The following NECTIN2 variants were observed in gnomAD, a reference collection of about 807,000 sequenced individuals.
NECTIN2 encodes the protein nectin-2.
Under a neutral mutation model 56.9 loss-of-function variants are expected in NECTIN2, and 23 were observed. The ratio of observed to expected loss-of-function variants is 0.40; its 90% confidence interval spans 0.29 to 0.57. The LOEUF (loss-of-function observed/expected upper bound fraction) is 0.57, where lower values mean the gene tolerates loss of function less well. NECTIN2 is among the 20% of genes least tolerant of loss of function. NECTIN2 has a pLI of 0.38. For synonymous variants in NECTIN2, 302 were observed against 313.8 expected (o/e 0.96, Z 0.40); for missense variants, 587 against 718.3 (o/e 0.82, Z 2.09).
At chr19:44,872,657 G>A (rs1969189481) in intron 3 of NECTIN2, among the ~76,000 whole-genome samples, 1 of 151,828 alleles carries the variant, frequency 6.6e-6, no homozygotes, top group African/African-American at 2.4e-5. Context: ...ATGTCTACAT[G>A]TCTACACTGC....
chr19:44,878,735 A>G (rs1969273828), intron 5 of NECTIN2: 1 of 1,475,252 alleles, frequency 6.8e-7, no homozygotes, highest in East Asian at 2.4e-5. Context: ...CTGGAGTGGA[A>G]CACTGCCTCC....
chr19:44,879,096 C>T (rs368588062), intron 5 of NECTIN2, among the ~76,000 whole-genome samples: 142 of 152,136 alleles, frequency 9.3e-4, no homozygotes, highest in African/African-American at 3.3e-3. Flanking sequence ...CTGTGGGGCT[C>T]GGACCACTTG....
chr19:44,879,103 C>G (rs945933048), intron 5 of NECTIN2, among the ~76,000 whole-genome samples: 1 of 152,086 alleles, frequency 6.6e-6, no homozygotes, highest in Non-Finnish European at 1.5e-5. Context: ...GCTCGGACCA[C>G]TTGGATCCTT....
At chr19:44,883,426 C>G (rs947550484) in intron 6 of NECTIN2, among the ~76,000 whole-genome samples, 6 of 152,134 alleles carry the variant, frequency 3.9e-5, no homozygotes, top group African/African-American at 7.2e-5. Flanking sequence ...AGATGCGCGC[C>G]ACCACGCCCG....
chr19:44,882,266 C>G lies in NECTIN2; in HGVS notation c.1098C>G (p.Ile366Met), dbSNP rs773570140. ...GATGGIIGGI[I>M]AAIIATAVAA... is the part of the protein sequence containing the mutation. ...CAGGCGGCATCATCGGGGGCATCATCGCCGCCATCATTGCTACTGCTGTGG... is the reference window on the plus strand; with the variant it reads ...CAGGCGGCATCATCGGGGGCATCATGGCCGCCATCATTGCTACTGCTGTGG... Residue 366 changes from isoleucine to methionine, a missense_variant, in exon 6 of 9, where the codon ATC (isoleucine) becomes ATG (methionine). Coordinates refer to ENST00000252483, the MANE Select transcript of NECTIN2 (RefSeq NM_001042724.2). 1 of 1,558,724 alleles carries G rather than the reference C, an allele frequency of 6.4e-7. No individual in the cohort carries two copies. The highest frequency in any genetic ancestry group is 1.2e-5 in the South Asian group (1 of 84,666).
intron 5 of NECTIN2, chr19:44,878,653 G>GCCCCCCCCC: frequency 6.4e-7 from 1 of 1,555,706 alleles, no homozygotes; most frequent in Non-Finnish European, 8.7e-7. Context: ...GCCAGGCCCG[G>GCCCCCCCCC]CCCTCCCGCC....
chr19:44,882,954 T>G (rs1212795514), intron 6 of NECTIN2, among the ~76,000 whole-genome samples: 1 of 151,370 alleles, frequency 6.6e-6, no homozygotes, highest in East Asian at 2.0e-4. Context: ...GCTAATTTTT[T>G]GGATTTTTAG....
At chr19:44,852,805 C>A (rs1219267019) in intron 1 of NECTIN2, among the ~76,000 whole-genome samples, 6 of 151,986 alleles carry the variant, frequency 3.9e-5, no homozygotes, top group Non-Finnish European at 7.4e-5. Context: ...GGTGAAAATG[C>A]CTTAAAAATG....
In NECTIN2 at chr19:44,871,890, G is replaced by A. The variant is rs145915904; in HGVS notation, c.516G>A (p.Thr172=). 640 of 1,614,040 alleles carry A rather than the reference G, an allele frequency of 4.0e-4. No individual in the cohort carries two copies. In the African/African-American group the frequency reaches 6.9e-3, roughly 17 times the overall value. Residue 172 remains threonine, a synonymous_variant, in exon 3 of 9, where the codon ACG becomes ACA. Coordinates refer to ENST00000252483, the MANE Select transcript of NECTIN2 (RefSeq NM_001042724.2). Reference sequence around the variant, plus strand: ...ACCAAGCTGAGGCCCAGAAGGTCACGTTCAGCCAGGACCCTACGACAGTGG... The same window carrying A: ...ACCAAGCTGAGGCCCAGAAGGTCACATTCAGCCAGGACCCTACGACAGTGG... ...PKNQAEAQKV[T]FSQDPTTVAL...
intron 6 of NECTIN2, among the ~76,000 whole-genome samples, chr19:44,883,003 T>C (rs907395584): frequency 6.6e-6 from 1 of 152,014 alleles, no homozygotes; most frequent in Non-Finnish European, 1.5e-5. Context: ...GGATGGTCTC[T>C]ATCTCCTGAC....
At chr19:44,863,475 A>T (rs1969057470) in intron 1 of NECTIN2, among the ~76,000 whole-genome samples, 1 of 152,220 alleles carries the variant, frequency 6.6e-6, no homozygotes, top group African/African-American at 2.4e-5. Flanking sequence ...TTTGCTATTC[A>T]GGTGATAGAT....
intron 1 of NECTIN2, among the ~76,000 whole-genome samples, chr19:44,852,380 G>A (rs898955029): frequency 2.0e-5 from 3 of 151,674 alleles, no homozygotes; most frequent in Admixed American, 2.0e-4. Flanking sequence ...CTGAGCTCAG[G>A]TGAGCCACTG....
rs143254941 is a variant in NECTIN2, at chr19:44,880,305, G to A, written c.1043-1906G>A. Among the ~76,000 whole-genome samples, 1,369 of 151,990 alleles carry A rather than the reference G, an allele frequency of 9.0e-3. 13 individuals are homozygous for A. Among genetic ancestry groups the A allele is most frequent in the Middle Eastern group, 0.014 (4 of 294 alleles). ...ACCCAGCAAACACCTACTGTGTGCC[G>A]AACCTCAGGCACACAGTCTAGTATG... On this transcript the variant is annotated intron_variant, in intron 5 of 8. Transcript: ENST00000252483.
Position 44,872,065 on chromosome 19 carries a change from G to A in NECTIN2, c.691G>A (p.Ala231Thr), listed in dbSNP as rs1969181190. The change falls in exon 3 of 9, where the codon GCA becomes ACA. Residue 231 changes from alanine (A) to threonine (T), a missense_variant. Physicochemically the swap from Ala to Thr is moderately conservative, Grantham distance 58 (BLOSUM62 0). Coordinates refer to ENST00000252483, the MANE Select transcript of NECTIN2 (RefSeq NM_001042724.2). ...SRFTLVPSGR[A>T]DGVTVTCKVE... is the part of the protein sequence containing the mutation. ...CTTCACCTTGGTGCCCTCGGGCCGAGCAGATGGTGTCACGGTCACCTGCAA... is the reference window on the plus strand; with the variant it reads ...CTTCACCTTGGTGCCCTCGGGCCGAACAGATGGTGTCACGGTCACCTGCAA... 1 of 1,614,184 alleles carries A rather than the reference G, an allele frequency of 6.2e-7. No individual in the cohort carries two copies. Among genetic ancestry groups the A allele is most frequent in the Non-Finnish European group, 8.5e-7 (1 of 1,180,038 alleles).
intron 2 of NECTIN2, 139 bp from the exon 3 acceptor site, chr19:44,871,714 C>T (rs1969175943): frequency 3.1e-6 from 3 of 982,202 alleles, no homozygotes; most frequent in Non-Finnish European, 4.4e-6. Context: ...ACCACTTATC[C>T]CAAGCCAGGC....
chr19:44,861,992 G>A (rs1165352172), intron 1 of NECTIN2, among the ~76,000 whole-genome samples: 2 of 152,152 alleles, frequency 1.3e-5, no homozygotes, highest in South Asian at 4.2e-4. Flanking sequence ...TCCCATTACT[G>A]GTATATACCC....
intron 3 of NECTIN2, among the ~76,000 whole-genome samples, chr19:44,873,538 C>T (rs188003019): frequency 5.3e-5 from 8 of 152,176 alleles, no homozygotes; most frequent in African/African-American, 1.2e-4. Context: ...GAGGCTGAGG[C>T]GGAGGGATGG....
intron 2 of NECTIN2, 147 bp from the exon 3 acceptor site, chr19:44,871,706 C>A: frequency 1.1e-6 from 1 of 872,708 alleles, no homozygotes; most frequent in Non-Finnish European, 1.7e-6. Flanking sequence ...GTTGCAAAAC[C>A]ACTTATCCCA....
intron 1 of NECTIN2, among the ~76,000 whole-genome samples, chr19:44,860,002 T>C (rs1159386004): frequency 1.3e-5 from 2 of 152,114 alleles, no homozygotes; most frequent in African/African-American, 4.8e-5. Flanking sequence ...GGTCCGTCCA[T>C]GTAGTGGAAT....
Sources: gnomAD v4.1 joint callset for allele counts (sites outside exome capture counted in the v4.1 genomes callset) on GRCh38, gnomAD v4.1.1 for gene constraint, MANE v1.5 for transcripts, NCBI Gene and HGNC (gene_info 2026-07-23, HGNC 2026-07-21) for gene names.